The following DIPK2A variants were observed in gnomAD, a reference collection of about 807,000 sequenced individuals.
DIPK2A encodes the protein divergent protein kinase domain 2A, also known as Golgi Protein of 49 kDa.
Under a neutral mutation model 39.0 loss-of-function variants are expected in DIPK2A, and 27 were observed. The ratio of observed to expected loss-of-function variants is 0.69; its 90% confidence interval spans 0.51 to 0.96. The LOEUF (loss-of-function observed/expected upper bound fraction) is 0.96. Among genes scored for constraint, DIPK2A ranks in the 40% least tolerant of loss-of-function variants. DIPK2A has a pLI of 0.00. For synonymous variants in DIPK2A, 298 were observed against 240.8 expected (o/e 1.24, Z -2.20); for missense variants, 528 against 571.3 (o/e 0.92, Z 0.77).
chr3:143,980,884 T>C (rs1174343706), intron 1 of DIPK2A, among the ~76,000 whole-genome samples: 1 of 152,196 alleles, frequency 6.6e-6, no homozygotes, highest in Non-Finnish European at 1.5e-5. Context: ...TTTTATATTG[T>C]ATAAAAGGAA....
chr3:143,978,646 A>C (rs368288254), intron 1 of DIPK2A: 154 of 39,978 alleles, frequency 3.9e-3, no homozygotes, highest in African/African-American at 0.011. Context: ...ATATCTATAT[A>C]TATATATATA....
intron 2 of DIPK2A, among the ~76,000 whole-genome samples, chr3:143,987,657 A>G (rs1352853998): frequency 6.6e-6 from 1 of 152,218 alleles, no homozygotes; most frequent in Non-Finnish European, 1.5e-5. Flanking sequence ...AACTTGTTAC[A>G]TCAGTTATCT....
At chr3:143,978,664 A>C (rs368912397) in intron 1 of DIPK2A, 3 of 47,310 alleles carry the variant, frequency 6.3e-5, no homozygotes, top group African/African-American at 3.7e-4. Context: ...ATATATCTAT[A>C]TATAGATATA....
chr3:143,976,552 G>GTGTA (rs1042806903), intron 1 of DIPK2A, among the ~76,000 whole-genome samples: 10 of 120,340 alleles, frequency 8.3e-5, no homozygotes, highest in African/African-American at 4.2e-4. Context: ...GTGTGTGTGT[G>GTGTA]TGTGAGAGAG....
At chr3:143,973,550 G>GACA in intron 1 of DIPK2A, 1 of 1,549,364 alleles carries the variant, frequency 6.5e-7, no homozygotes, top group Non-Finnish European at 8.7e-7. Flanking sequence ...CGGAGAACGG[G>GACA]ACAGTGGTCG....
At chr3:143,978,859 C>G in intron 1 of DIPK2A, among the ~76,000 whole-genome samples, 1 of 151,394 alleles carries the variant, frequency 6.6e-6, no homozygotes, top group Middle Eastern at 3.2e-3. Context: ...TCTGTATTAC[C>G]ACAAAGTTGT....
chr3:143,971,863 T>G lies in DIPK2A; in HGVS notation c.-470T>G. The G allele has an allele frequency of 6.4e-6, 1 of 155,202 alleles. No homozygotes were observed. Among genetic ancestry groups the G allele is most frequent in the Non-Finnish European group, 1.4e-5 (1 of 70,246 alleles). The allele number at this position is 155,202 out of a possible 1,614,324, so 9.6% of individuals were successfully genotyped here. ...CGGCTCTGAGACGTGCGTTGCTGCT[T>G]GTGGGTGTGAGACATCCTAGCTCCT... On this transcript the variant is annotated 5_prime_UTR_variant, in exon 1 of 3. Transcript: ENST00000315691.
chr3:143,976,531 A>AGAGTGTGT (rs1553740407), intron 1 of DIPK2A, among the ~76,000 whole-genome samples: 2 of 142,634 alleles, frequency 1.4e-5, no homozygotes, highest in Non-Finnish European at 3.0e-5. Context: ...AGAAAGGGAG[A>AGAGTGTGT]GTGTGTGTGT....
intron 1 of DIPK2A, among the ~76,000 whole-genome samples, chr3:143,976,168 A>C (rs984534362): frequency 2.0e-5 from 3 of 152,058 alleles, no homozygotes; most frequent in Non-Finnish European, 4.4e-5. Flanking sequence ...CTTTCTTCTT[A>C]TTGTTGGATA....
Position 143,972,908 on chromosome 3 carries a change from C to G in DIPK2A, c.576C>G (p.Phe192Leu), listed in dbSNP as rs2087678043. The part of the protein sequence containing the change: ...RYAETKDSGS[F>L]LLRNLKDSER... ...CGGAGACCAAGGACTCGGGCAGCTTCCTGCTTCGCAACCTCAAGGACTCGG... is the reference window on the plus strand; with the variant it reads ...CGGAGACCAAGGACTCGGGCAGCTTGCTGCTTCGCAACCTCAAGGACTCGG... The change falls in exon 1 of 3, where the codon TTC becomes TTG. Residue 192 changes from phenylalanine (F) to leucine (L), a missense_variant. Phe to Leu is a conservative substitution (Grantham distance 22). Coordinates refer to ENST00000315691, the MANE Select transcript of DIPK2A (RefSeq NM_173552.5). 2 of 1,586,290 alleles carry G rather than the reference C, an allele frequency of 1.3e-6. No homozygotes were observed. Among genetic ancestry groups the G allele is most frequent in the African/African-American group, 1.3e-5 (1 of 74,526 alleles).
chr3:143,978,591 T>C (rs1408830183), intron 1 of DIPK2A: 1 of 69,834 alleles, frequency 1.4e-5, no homozygotes, highest in Non-Finnish European at 2.4e-5. Context: ...TATCTATATC[T>C]ATCTATCTAT....
intron 1 of DIPK2A, among the ~76,000 whole-genome samples, chr3:143,982,710 C>G (rs557885261): frequency 7.9e-5 from 12 of 152,268 alleles, no homozygotes; most frequent in African/African-American, 2.9e-4. Context: ...AAATAACCAG[C>G]TAGCATCATA....
chr3:143,973,256 G>A lies in DIPK2A; in HGVS notation c.657+267G>A, dbSNP rs189247816. 15 of 1,236,688 alleles carry A rather than the reference G, an allele frequency of 1.2e-5. No homozygotes were observed. The Admixed American group carries it at 2.0e-4, about 16-fold the overall frequency. 76.6% of individuals were successfully genotyped at this position (1,236,688 alleles called of 1,614,324 possible). A position where few individuals can be genotyped will look rare whatever the true frequency, so the allele number is the denominator to read the frequency against. On this transcript the variant is annotated intron_variant, in intron 1 of 2. Transcript: ENST00000315691. ...TGTGGATCTTTCAACGCCAGAGGGAGTGCGTCTCTTAACACTCCCCAAAAT... is the reference window on the plus strand; with the variant it reads ...TGTGGATCTTTCAACGCCAGAGGGAATGCGTCTCTTAACACTCCCCAAAAT...
intron 1 of DIPK2A, chr3:143,973,808 T>G (rs978047312): frequency 1.8e-6 from 1 of 561,466 alleles, no homozygotes; most frequent in African/African-American, 1.9e-5. Flanking sequence ...TCTGACTGTT[T>G]TGAAAAGTAA....
intron 1 of DIPK2A, among the ~76,000 whole-genome samples, chr3:143,974,809 G>A (rs1189889977): frequency 1.3e-5 from 2 of 152,102 alleles, no homozygotes; most frequent in African/African-American, 2.4e-5. Context: ...TGTAGTCATA[G>A]CATTGAATTT....
chr3:143,981,430 T>C (rs926683908), intron 1 of DIPK2A, among the ~76,000 whole-genome samples: 4 of 152,164 alleles, frequency 2.6e-5, no homozygotes, highest in Admixed American at 6.5e-5. Context: ...TTTGGTCTTT[T>C]ATTCATTTCT....
chr3:143,973,480 C>T (rs1241833189), intron 1 of DIPK2A: 7 of 1,551,440 alleles, frequency 4.5e-6, no homozygotes, highest in Non-Finnish European at 6.1e-6. Context: ...TTTGTTTTCG[C>T]TCATTTACCT....
rs771642352 is a variant in DIPK2A, at chr3:143,972,593, C to T, written c.261C>T (p.Asn87=). Residue 87 remains asparagine, a synonymous_variant, in exon 1 of 3, where the codon AAC becomes AAT. Transcript: ENST00000315691. ...GCTTGCGCCTGCTGGACTTCCTCAA[C>T]GTGAAGAACGTGTACTTCGCGCAGT... ...WGRLRLLDFL[N]VKNVYFAQYG... 2 of 1,612,060 alleles carry T rather than the reference C, an allele frequency of 1.2e-6. No homozygotes were observed. The highest frequency in any genetic ancestry group is 8.5e-7 in the Non-Finnish European group (1 of 1,179,700).
At chr3:143,980,183 C>T (rs999886810) in intron 1 of DIPK2A, among the ~76,000 whole-genome samples, 3 of 152,132 alleles carry the variant, frequency 2.0e-5, no homozygotes, top group Non-Finnish European at 4.4e-5. Flanking sequence ...TTATAACATG[C>T]GTTACTACAA....
Sources: allele counts gnomAD v4.1 joint callset (sites outside exome capture counted in the v4.1 genomes callset), GRCh38; gene constraint gnomAD v4.1.1; transcripts MANE v1.5; gene names NCBI Gene and HGNC (gene_info 2026-07-23, HGNC 2026-07-21).